The following CPLANE1 variants were observed in gnomAD, a reference collection of about 807,000 sequenced individuals.
CPLANE1 encodes ciliogenesis and planar polarity effector complex subunit 1.
CPLANE1 carries 263 observed loss-of-function variants against 362.5 expected under a neutral mutation model. The observed-to-expected ratio is 0.73, with a 90% CI of 0.66 to 0.80. CPLANE1 has a LOEUF of 0.80. Among genes scored for constraint, CPLANE1 ranks in the 30% least tolerant of loss-of-function variants. CPLANE1 has a pLI of 0.00. For missense variants in CPLANE1, 3,461 were observed against 3,793.4 expected (o/e 0.91, Z 2.30); for synonymous variants, 1,212 against 1,302.6 (o/e 0.93, Z 1.50).
At chr5:37,248,304 A>AT (rs1175131937) in intron 1 of CPLANE1, among the ~76,000 whole-genome samples, 1 of 150,718 alleles carries the variant, frequency 6.6e-6, no homozygotes, top group Non-Finnish European at 1.5e-5. Flanking sequence ...ATTTTTTTGT[A>AT]TTTTTAGTAG....
At chr5:37,212,063 T>G in intron 16 of CPLANE1, 1 of 896,972 alleles carries the variant, frequency 1.1e-6, no homozygotes, top group Non-Finnish European at 1.9e-6. Flanking sequence ...GAAGGCAGAG[T>G]AACCTACAAG....
intron 16 of CPLANE1, among the ~76,000 whole-genome samples, chr5:37,208,681 C>T (rs1179328662): frequency 9.6e-5 from 11 of 114,076 alleles, no homozygotes; most frequent in South Asian, 3.4e-4. Context: ...TGTCTCCCCC[C>T]CCCCCCAAAA....
chr5:37,107,392 A>T lies in CPLANE1; in HGVS notation c.*210T>A, dbSNP rs921124437. On this transcript the variant is annotated 3_prime_UTR_variant, in exon 53 of 53. Coordinates refer to ENST00000651892, the MANE Select transcript of CPLANE1 (RefSeq NM_001384732.1). ...CATCAAATACAAAAACATATAATAC[A>T]TCAATAGTCAACCCTTTCCCCATAA... 1 of 1,258,714 alleles carries T rather than the reference A, an allele frequency of 7.9e-7. No homozygotes were observed. The highest frequency in any genetic ancestry group is 1.5e-5 in the African/African-American group (1 of 65,026). 78.0% of individuals were successfully genotyped at this position (1,258,714 alleles called of 1,614,324 possible). A position where few individuals can be genotyped will look rare whatever the true frequency, so the allele number is the denominator to read the frequency against.
rs769691069 is a variant in CPLANE1 at position 37,170,234 on chromosome 5, A to C, written c.6269T>G (p.Val2090Gly). The C allele has an allele frequency of 1.2e-6, 2 of 1,614,142 alleles. No individual in the cohort carries two copies. The change falls in exon 33 of 53, where the codon GTG (valine) becomes GGG (glycine). Residue 2090 changes from valine to glycine, a missense_variant. Physicochemically the swap from Val to Gly is moderately radical, Grantham distance 109. Coordinates refer to ENST00000651892, the MANE Select transcript of CPLANE1 (RefSeq NM_001384732.1). Reference sequence around the variant, plus strand: ...TGATTCTTGGCTTTCCCCTAAATGCACAGACTGAGACTGCTGTACAAGTTG... The same window carrying C: ...TGATTCTTGGCTTTCCCCTAAATGCCCAGACTGAGACTGCTGTACAAGTTG... ...TQQLVQQSQS[V>G]HLGESQESNL...
downstream of CPLANE1, among the ~76,000 whole-genome samples, chr5:37,105,469 A>G (rs185585601): frequency 7.9e-5 from 12 of 152,364 alleles, no homozygotes; most frequent in African/African-American, 2.9e-4. Flanking sequence ...CTAGATGTCT[A>G]TTGCAGAAGA....
chr5:37,162,870 G>T (rs541882364), intron 37 of CPLANE1, among the ~76,000 whole-genome samples: 60 of 152,228 alleles, frequency 3.9e-4, no homozygotes, highest in African/African-American at 1.4e-3. Flanking sequence ...AGGAGAGACG[G>T]GGTTTCGCCA....
At chr5:37,151,897 A>G (rs1317765421) in intron 42 of CPLANE1, among the ~76,000 whole-genome samples, 1 of 152,146 alleles carries the variant, frequency 6.6e-6, no homozygotes, top group East Asian at 1.9e-4. Context: ...AAAAAAAAAA[A>G]GAGGAAAACC....
chr5:37,205,534 T>C, intron 17 of CPLANE1, 80 bp from the exon 18 acceptor site: 2 of 950,888 alleles, frequency 2.1e-6, no homozygotes, highest in South Asian at 2.0e-5. Context: ...GGACTAAACA[T>C]GAAAGTTTAA....
the CPLANE1 span, among the ~76,000 whole-genome samples, chr5:37,086,615 AACGCTCTGTGGGG>A: frequency 6.6e-6 from 1 of 152,206 alleles, no homozygotes; most frequent in South Asian, 2.1e-4. Flanking sequence ...TGGGCAGGAT[AACGCTCTGTGGGG>A]AGGGGAATGG....
At chr5:37,105,673 A>G (rs1466872286), downstream of CPLANE1, among the ~76,000 whole-genome samples, 1 of 152,244 alleles carries the variant, frequency 6.6e-6, no homozygotes, top group East Asian at 1.9e-4. Context: ...ATAGAATTAC[A>G]TCAAGCTGAA....
chr5:37,176,212 C>T lies in CPLANE1; in HGVS notation c.5901-226G>A, dbSNP rs370160462. 3.5e-4 allele frequency: 136 copies of T among 383,674 alleles called. 1 individual carries two copies. The highest frequency in any genetic ancestry group is 2.5e-3 in the East Asian group (59 of 23,596). The allele number at this position is 383,674 out of a possible 1,614,324, so 23.8% of individuals were successfully genotyped here. A position where few individuals can be genotyped will look rare whatever the true frequency, so the allele number is the denominator to read the frequency against. On this transcript the variant is annotated intron_variant, in intron 30 of 52. Coordinates refer to ENST00000651892, the MANE Select transcript of CPLANE1 (RefSeq NM_001384732.1). ...GATGACTTAAAACACCACTTAAATACGGCTGACTGCTCAGCAATGAAAACA... is the reference window on the plus strand; with the variant it reads ...GATGACTTAAAACACCACTTAAATATGGCTGACTGCTCAGCAATGAAAACA...
chr5:37,184,324 G>C (rs1783421006), intron 25 of CPLANE1, among the ~76,000 whole-genome samples: 1 of 152,036 alleles, frequency 6.6e-6, no homozygotes, highest in African/African-American at 2.4e-5. Flanking sequence ...CTCAGTAAGA[G>C]AACAGGTGTT....
At chr5:37,196,640 T>G (rs114949429) in intron 20 of CPLANE1, among the ~76,000 whole-genome samples, 1 of 152,026 alleles carries the variant, frequency 6.6e-6, no homozygotes, top group African/African-American at 2.4e-5. Flanking sequence ...CTAAAAAAAT[T>G]TGAGGCCAAG....
At chr5:37,165,208 TG>T (rs1777919394) in intron 36 of CPLANE1, among the ~76,000 whole-genome samples, 2 of 152,126 alleles carry the variant, frequency 1.3e-5, no homozygotes, top group South Asian at 4.1e-4. Flanking sequence ...CAGAGAACGG[TG>T]AAACTGTATT....
At chr5:37,239,953 C>A (rs1581016338) in intron 6 of CPLANE1, 84 bp from the exon 7 acceptor site, 3 of 979,554 alleles carry the variant, frequency 3.1e-6, no homozygotes, top group East Asian at 5.6e-5. Context: ...ATTAAAGGAT[C>A]CATCCAAATT....
In CPLANE1 at chr5:37,169,175, A is replaced by G. The variant is rs754459000; in HGVS notation, c.6849T>C (p.His2283=). Residue 2283 remains histidine, a synonymous_variant, in exon 34 of 53, where the codon CAT becomes CAC. Transcript: ENST00000651892. ...CAGTGTTATACTGGCTTACATTCAA[A>G]TGGGATGCTGGAGTAGTTTGTGCTG... is the stretch of plus-strand genomic sequence containing the variant. ...QRAAQTTPAS[H]LNVSQYNTEA... is the part of the protein sequence containing the mutation. 1 of 1,614,042 alleles carries G rather than the reference A, an allele frequency of 6.2e-7. No individual in the cohort carries two copies. Among genetic ancestry groups the G allele is most frequent in the Non-Finnish European group, 8.5e-7 (1 of 1,180,004 alleles).
downstream of CPLANE1, among the ~76,000 whole-genome samples, chr5:37,102,507 T>TA (rs2149821332): frequency 6.6e-6 from 1 of 152,216 alleles, no homozygotes; most frequent in East Asian, 1.9e-4. Flanking sequence ...GTTGTGATGT[T>TA]AAGTTGTTGA....
chr5:37,189,868 G>A lies in CPLANE1; in HGVS notation c.3812-2026C>T, dbSNP rs111262953. 6.0e-3 allele frequency among the ~76,000 whole-genome samples: 912 copies of A among 152,064 alleles called. 11 individuals carry two copies. The highest frequency in any genetic ancestry group is 0.021 in the African/African-American group (868 of 41,482). ...ACAAGAATTAGCTGGGCGTGGTGGT[G>A]TGCACCTGTAATCCCAGCTACTTGG... On this transcript the variant is annotated intron_variant, in intron 21 of 52. Coordinates refer to ENST00000651892, the MANE Select transcript of CPLANE1 (RefSeq NM_001384732.1).
At chr5:37,195,687 C>G (rs1787189209) in intron 21 of CPLANE1, among the ~76,000 whole-genome samples, 171 bp downstream of exon 21, 1 of 151,824 alleles carries the variant, frequency 6.6e-6, no homozygotes, top group Admixed American at 6.6e-5. Context: ...TTCTGACTTA[C>G]TATCATATAT....
Sources: gnomAD v4.1 joint callset for allele counts (sites outside exome capture counted in the v4.1 genomes callset) on GRCh38, gnomAD v4.1.1 for gene constraint, MANE v1.5 for transcripts, NCBI Gene and HGNC (gene_info 2026-07-23, HGNC 2026-07-21) for gene names.